Variants in F8 observed in about 807,000 individuals in gnomAD.
F8 encodes the protein antihemophilic factor.
Under a neutral mutation model 140.6 loss-of-function variants are expected in F8, and 12 were observed. The ratio of observed to expected loss-of-function variants is 0.09; its 90% confidence interval spans 0.05 to 0.14. The LOEUF (loss-of-function observed/expected upper bound fraction) is 0.14, where lower values mean the gene tolerates loss of function less well. Ranked by LOEUF, F8 falls within the 10% of genes least tolerant of loss-of-function variation. The pLI, the probability that F8 is intolerant of heterozygous loss-of-function variation, is 1.00. For synonymous variants in F8, 585 were observed against 614.6 expected, an observed-to-expected ratio of 0.95 and a Z score of 0.71; for missense variants, 1,354 against 1,720.7, an observed-to-expected ratio of 0.79 and a Z score of 3.77.
intron 14 of F8, among the ~76,000 whole-genome samples, chrX:154,908,607 C>T (rs1368810620): frequency 8.9e-6 from 1 of 112,171 alleles, no homozygotes; most frequent in African/African-American, 3.2e-5. Flanking sequence ...TTTAGGTACT[C>T]TTTAAAGTTT....
chrX:154,837,810 G>C (rs1387665775), intron 25 of F8, 58 bp from the exon 26 acceptor site: 2 of 1,107,652 alleles, frequency 1.8e-6, no homozygotes, highest in East Asian at 6.0e-5. Flanking sequence ...TCACTGCAAA[G>C]CACAGACGCT....
At chrX:154,958,169 C>T (rs1386206468) in intron 10 of F8, among the ~76,000 whole-genome samples, 1 of 111,235 alleles carries the variant, frequency 9.0e-6, no homozygotes, top group Non-Finnish European at 1.9e-5. Flanking sequence ...TTACATAGTT[C>T]CATGACATGA....
intron 1 of F8, among the ~76,000 whole-genome samples, chrX:155,005,169 T>C (rs2073669697): frequency 9.0e-6 from 1 of 111,349 alleles, no homozygotes; most frequent in Admixed American, 9.5e-5. Flanking sequence ...TCATATTACT[T>C]CAGATCACTA....
intron 24 of F8, among the ~76,000 whole-genome samples, 164 bp downstream of exon 24, chrX:154,861,554 C>A (rs782572174): frequency 8.9e-6 from 1 of 111,883 alleles, no homozygotes; most frequent in East Asian, 2.8e-4. Context: ...ATCATTTCCC[C>A]CAAATGCCTG....
At chrX:154,943,504 C>G (rs977463011) in intron 13 of F8, among the ~76,000 whole-genome samples, 6 of 111,220 alleles carry the variant, frequency 5.4e-5, no homozygotes, top group Non-Finnish European at 7.5e-5. Context: ...AACCACTGCT[C>G]AAGGAAATAA....
At chrX:154,865,623 G>T (rs1461692090) in intron 22 of F8, among the ~76,000 whole-genome samples, 1 of 109,634 alleles carries the variant, frequency 9.1e-6, no homozygotes, top group East Asian at 2.8e-4. Context: ...TGTGATTGAA[G>T]GTGTTGTCAG....
At chrX:154,993,268 T>C (rs2073598989) in intron 3 of F8, 120 bp from the exon 4 acceptor site, 2 of 598,336 alleles carry the variant, frequency 3.3e-6, no homozygotes, top group African/African-American at 2.2e-5. Flanking sequence ...ATCTTTGTTG[T>C]TGTTGTTGTT....
At chrX:154,969,923 T>C (rs183508375) in intron 6 of F8, among the ~76,000 whole-genome samples, 7 of 111,978 alleles carry the variant, frequency 6.3e-5, no homozygotes, top group African/African-American at 1.9e-4. Context: ...TCCAGGCTCA[T>C]ACAGCCAATC....
chrX:154,930,480 T>C lies in F8; in HGVS notation c.3310A>G (p.Ile1104Val), dbSNP rs1557278671. The change falls in exon 14 of 26, where the codon ATT becomes GTT. Residue 1104 changes from isoleucine to valine, a missense_variant. Ile to Val is a conservative substitution (Grantham distance 29). Coordinates refer to ENST00000360256, the MANE Select transcript of F8 (RefSeq NM_000132.4). Reference protein sequence around the residue: ...EMVQQKKEGPIPPDAQNPDMS... With the variant: ...EMVQQKKEGPVPPDAQNPDMS... ...TCTGGATTTTGTGCATCTGGTGGAATGGGGCCCTCTTTTTTCTGTTGGACC... is the reference window on the plus strand; with the variant it reads ...TCTGGATTTTGTGCATCTGGTGGAACGGGGCCCTCTTTTTTCTGTTGGACC... The C allele has an allele frequency of 8.3e-7, 1 of 1,208,897 alleles. No homozygotes were observed. The highest frequency in any genetic ancestry group is 3.0e-5 in the East Asian group (1 of 33,840).
intron 8 of F8, 110 bp from the exon 9 acceptor site, chrX:154,966,251 T>C (rs1158269628): frequency 1.7e-4 from 158 of 937,669 alleles, no homozygotes; most frequent in Non-Finnish European, 1.8e-4. Flanking sequence ...GTGAGAAAAA[T>C]ACAAGCTTCT....
chrX:154,929,844 T>C lies in F8; in HGVS notation c.3946A>G (p.Ile1316Val), dbSNP rs1557278538. ...IVEKYACTTR[I>V]SPNTSQQNFV... ...TTCTGCTGGCTTGTATTAGGAGATA[T>C]CCTTGTGGTGCATGCATATTTCTCT... is the stretch of plus-strand genomic sequence containing the variant. The change falls in exon 14 of 26, where the codon ATA becomes GTA. Residue 1316 changes from isoleucine (I) to valine (V), a missense_variant. Around this residue, in one of 4 missense-constraint regions of F8, gnomAD observed 658 missense variants for 666.5 expected, o/e 0.99. Coordinates refer to ENST00000360256, the MANE Select transcript of F8 (RefSeq NM_000132.4). 3 of 1,210,276 alleles carry C rather than the reference T, an allele frequency of 2.5e-6. No individual in the cohort carries two copies. In the Admixed American group the frequency reaches 6.6e-5, roughly 26 times the overall value.
chrX:154,938,328 C>A (rs2073235230), intron 13 of F8, among the ~76,000 whole-genome samples: 1 of 111,444 alleles, frequency 9.0e-6, no homozygotes, highest in South Asian at 3.7e-4. Context: ...GACAACAGTG[C>A]AATTCAGTGA....
At chrX:154,915,701 G>C (rs999702845) in intron 14 of F8, among the ~76,000 whole-genome samples, 4 of 112,358 alleles carry the variant, frequency 3.6e-5, no homozygotes, top group Middle Eastern at 4.6e-3. Flanking sequence ...TTGTTGATCA[G>C]TTCTAACAGT....
At position 155,018,056 on chromosome X, in the gene F8, C is replaced by T. The variant is rs2073743754; in HGVS notation, c.143+4354G>A. On this transcript the variant is annotated intron_variant, in intron 1 of 25. Coordinates refer to ENST00000360256, the MANE Select transcript of F8 (RefSeq NM_000132.4). ...ATTTTTTTTTTTTTTTTGGTAGACA[C>T]GGAGTTTTGCCATGTTGGCTAGGCT... Among the ~76,000 whole-genome samples the T allele has an allele frequency of 4.7e-5, 5 of 105,588 alleles. No homozygotes were observed. In the South Asian group the frequency reaches 1.7e-3, roughly 36 times the overall value. 91.7% of individuals were successfully genotyped at this position (105,588 alleles called of 115,157 possible). A position where few individuals can be genotyped will look rare whatever the true frequency, so the allele number is the denominator to read the frequency against.
rs1013740748 is a variant in F8, at chrX:154,929,309, A to G, written c.4481T>C (p.Val1494Ala). 1 of 1,212,037 alleles carries G rather than the reference A, an allele frequency of 8.3e-7. No homozygotes were observed. The highest frequency in any genetic ancestry group is 1.8e-5 in the South Asian group (1 of 57,015). The stretch of plus-strand genomic sequence containing the variant: ...TGGTTTCGGGAGAACAGTGTTCTCA[A>G]CTTTCTTGTATGTGACTGAATTTGT... ...SATNSVTYKKVENTVLPKPDL... is the reference protein window; with the variant it reads ...SATNSVTYKKAENTVLPKPDL... The change falls in exon 14 of 26, where the codon GTT becomes GCT. Residue 1494 changes from valine (V) to alanine (A), a missense_variant. Around this residue, in one of 4 missense-constraint regions of F8, gnomAD observed 658 missense variants for 666.5 expected, o/e 0.99. Coordinates refer to ENST00000360256, the MANE Select transcript of F8 (RefSeq NM_000132.4).
intron 14 of F8, 76 bp downstream of exon 14, chrX:154,928,495 C>G (rs2073171788): frequency 8.8e-6 from 8 of 907,845 alleles, no homozygotes; most frequent in Non-Finnish European, 1.3e-5. Flanking sequence ...TCCTCTAACT[C>G]TCATTGTTGG....
chrX:155,003,019 G>C (rs2073654967), intron 1 of F8, among the ~76,000 whole-genome samples: 1 of 111,640 alleles, frequency 9.0e-6, no homozygotes, highest in Non-Finnish European at 1.9e-5. Flanking sequence ...CTCATAGCCA[G>C]TACATCATGT....
intron 20 of F8, 130 bp from the exon 21 acceptor site, chrX:154,900,081 T>C: frequency 2.0e-6 from 1 of 508,971 alleles, no homozygotes; most frequent in Non-Finnish European, 3.3e-6. Context: ...AAAGGCTTTA[T>C]GGCATACCAG....
chrX:155,013,246 C>T (rs1479574439), intron 1 of F8, among the ~76,000 whole-genome samples: 2 of 110,904 alleles, frequency 1.8e-5, no homozygotes, highest in Non-Finnish European at 3.8e-5. Flanking sequence ...CCACAATCCC[C>T]ATGTGCTGTG....
Sources: gnomAD v4.1 joint callset for allele counts (sites outside exome capture counted in the v4.1 genomes callset) on GRCh38, gnomAD v4.1.1 for gene constraint, gnomAD v4.1.1 regional missense constraint, MANE v1.5 for transcripts, NCBI Gene and HGNC (gene_info 2026-07-23, HGNC 2026-07-21) for gene names.